KIAA1549: variants seen among roughly 807,000 people sequenced by gnomAD.
KIAA1549 encodes the protein KIAA1549.
In KIAA1549, 70 loss-of-function variants were observed where a neutral mutation model predicts 156.4. That is an observed-to-expected ratio of 0.45 (90% CI 0.37 to 0.55). The LOEUF (loss-of-function observed/expected upper bound fraction) is 0.55, where lower values mean the gene tolerates loss of function less well. Ranked by LOEUF, KIAA1549 falls within the 20% of genes least tolerant of loss-of-function variation. The pLI is 0.00. For missense variants in KIAA1549, 2,428 were observed against 2,540.9 expected, an observed-to-expected ratio of 0.96 and a Z score of 0.96; for synonymous variants, 1,103 against 1,066.4, an observed-to-expected ratio of 1.03 and a Z score of -0.67.
In KIAA1549 at chr7:138,844,345, G is replaced by A. The variant is rs1810008609; in HGVS notation, c.5424C>T (p.Ala1808=). The change falls in exon 18 of 20, where the codon GCC becomes GCT. Residue 1808 remains alanine, a synonymous_variant. Transcript: ENST00000422774. ...TGGTACCCCCGACAGGCCGAGGCCG[G>A]GCCACCGACGGCATCTCCTCCGAGT... The part of the protein sequence containing the change: ...GIYSEEMPSV[A]RPRPVGGTTG... 2 of 1,613,800 alleles carry A rather than the reference G, an allele frequency of 1.2e-6. No homozygotes were observed. Among genetic ancestry groups the A allele is most frequent in the Non-Finnish European group, 1.7e-6 (2 of 1,179,872 alleles).
chr7:138,907,474 G>C (rs79153032), intron 5 of KIAA1549, among the ~76,000 whole-genome samples: 2,127 of 152,282 alleles, frequency 0.014, 29 homozygotes, highest in East Asian at 0.084. Context: ...ATATAAACCA[G>C]AACAGAGAAA....
intron 11 of KIAA1549, 84 bp downstream of exon 11, chr7:138,881,304 A>T: frequency 2.2e-6 from 3 of 1,364,676 alleles, no homozygotes; most frequent in Non-Finnish European, 3.0e-6. Context: ...GCTCACCATC[A>T]GCCCCTGTGA....
chr7:138,964,574 C>T (rs1372780470), intron 1 of KIAA1549, among the ~76,000 whole-genome samples: 1 of 152,156 alleles, frequency 6.6e-6, no homozygotes, highest in Non-Finnish European at 1.5e-5. Flanking sequence ...CCCAGCTCAG[C>T]CCCTGAGACT....
intron 14 of KIAA1549, 84 bp downstream of exon 14, chr7:138,869,454 C>T (rs1198349454): frequency 3.5e-5 from 37 of 1,067,858 alleles, no homozygotes; most frequent in Non-Finnish European, 4.7e-5. Context: ...CCTGCAGTAG[C>T]AGAGGGGCTC....
intron 1 of KIAA1549, among the ~76,000 whole-genome samples, chr7:138,930,024 C>A (rs1487274900): frequency 6.6e-6 from 1 of 152,180 alleles, no homozygotes; most frequent in Non-Finnish European, 1.5e-5. Flanking sequence ...CAAAATTACT[C>A]TTGATCCATG....
At chr7:138,908,560 A>G (rs923470801) in intron 5 of KIAA1549, among the ~76,000 whole-genome samples, 1 of 152,250 alleles carries the variant, frequency 6.6e-6, no homozygotes, top group Non-Finnish European at 1.5e-5. Context: ...CATTTTGGAA[A>G]GAGAGAGGAA....
At chr7:138,904,362 G>A (rs1004412018) in intron 7 of KIAA1549, among the ~76,000 whole-genome samples, 1 of 152,144 alleles carries the variant, frequency 6.6e-6, no homozygotes, top group African/African-American at 2.4e-5. Context: ...AAAAGACCGC[G>A]GATGGCACCA....
At chr7:138,854,501 G>A (rs1003251898) in intron 16 of KIAA1549, among the ~76,000 whole-genome samples, 8 of 152,050 alleles carry the variant, frequency 5.3e-5, no homozygotes, top group Non-Finnish European at 8.8e-5. Flanking sequence ...AGGCTCATGC[G>A]GTAACTGAAG....
intron 1 of KIAA1549, among the ~76,000 whole-genome samples, chr7:138,955,453 G>A (rs1345863229): frequency 1.3e-5 from 2 of 152,168 alleles, no homozygotes; most frequent in South Asian, 4.1e-4. Flanking sequence ...GTAGAAGGGT[G>A]GATGCCAGGG....
At chr7:138,843,935 T>C (rs1324885296) in intron 18 of KIAA1549, among the ~76,000 whole-genome samples, 1 of 152,210 alleles carries the variant, frequency 6.6e-6, no homozygotes, top group Non-Finnish European at 1.5e-5. Flanking sequence ...AGAGTTTTGC[T>C]CTGTCACCCA....
intron 19 of KIAA1549, 54 bp downstream of exon 19, chr7:138,840,079 C>T (rs1270318769): frequency 7.4e-6 from 11 of 1,489,096 alleles, no homozygotes; most frequent in Admixed American, 2.1e-5. Flanking sequence ...TGTGAGCCAC[C>T]GCACCTGGCC....
chr7:138,844,479 A>G lies in KIAA1549; in HGVS notation c.5295-5T>C, dbSNP rs555458967. 25 of 1,524,222 alleles carry G rather than the reference A, an allele frequency of 1.6e-5. No homozygotes were observed. The highest frequency in any genetic ancestry group is 1.6e-4 in the South Asian group (12 of 75,264). 94.4% of individuals were successfully genotyped at this position (1,524,222 alleles called of 1,614,324 possible). ...AAACCGGGGCCAAAACCTGGTCTGA[A>G]GGCAAAGCAAACCAGCACATCAGGA... is the stretch of plus-strand genomic sequence containing the variant. On this transcript the variant is annotated splice_polypyrimidine_tract_variant and splice_region_variant and intron_variant, in intron 17 of 19. Transcript: ENST00000422774.
chr7:138,909,703 T>A (rs1812112885), intron 4 of KIAA1549, among the ~76,000 whole-genome samples: 1 of 152,154 alleles, frequency 6.6e-6, no homozygotes, highest in Non-Finnish European at 1.5e-5. Flanking sequence ...TTCCAGCACT[T>A]TGGGAGGCTG....
Position 138,918,662 on chromosome 7 carries a change from A to G in KIAA1549, c.964T>C (p.Tyr322His). 1 of 1,613,826 alleles carries G rather than the reference A, an allele frequency of 6.2e-7. No individual in the cohort carries two copies. The change falls in exon 2 of 20, where the codon TAC becomes CAC. Residue 322 changes from tyrosine (Y) to histidine (H), a missense_variant. By Grantham distance (83) the Tyr-to-His change is moderately conservative. Coordinates refer to ENST00000422774, the MANE Select transcript of KIAA1549 (RefSeq NM_001164665.2). This position sits in a 1 kb window ranked among gnomAD's most constrained non-coding sequence, Gnocchi z 4.2. ...CTCAACACAGTGGTCACATCAGTGT[A>G]TCTGTCTGCACTTGTGGCCCAAACC... ...EEVWATSADR[Y>H]TDVTTVLSQS...
At chr7:138,947,114 A>G (rs1159253407) in intron 1 of KIAA1549, among the ~76,000 whole-genome samples, 1 of 152,232 alleles carries the variant, frequency 6.6e-6, no homozygotes, top group Non-Finnish European at 1.5e-5. Context: ...GTCCATTAGT[A>G]TAGAACCACT....
chr7:138,891,625 G>A (rs987755156), intron 10 of KIAA1549, among the ~76,000 whole-genome samples: 2 of 152,126 alleles, frequency 1.3e-5, no homozygotes, highest in African/African-American at 4.8e-5. Flanking sequence ...TTTCCTTCTC[G>A]TTACGAGGGG....
intron 17 of KIAA1549, among the ~76,000 whole-genome samples, chr7:138,845,552 C>G (rs1356166348): frequency 6.6e-6 from 1 of 152,158 alleles, no homozygotes; most frequent in Admixed American, 6.5e-5. Flanking sequence ...ACGCTAAAAC[C>G]CATAGCTCCA....
At chr7:138,947,884 T>C (rs535129257) in intron 1 of KIAA1549, among the ~76,000 whole-genome samples, 1 of 152,108 alleles carries the variant, frequency 6.6e-6, no homozygotes, top group Non-Finnish European at 1.5e-5. Flanking sequence ...CACCTCAGCC[T>C]CCCAGGTAGC....
chr7:138,882,235 A>C (rs966042715), intron 10 of KIAA1549, among the ~76,000 whole-genome samples: 8 of 152,246 alleles, frequency 5.3e-5, no homozygotes, highest in Non-Finnish European at 1.0e-4. Flanking sequence ...CATGAGCCCC[A>C]AATCTTAGCA....
Sources: allele counts gnomAD v4.1 joint callset (sites outside exome capture counted in the v4.1 genomes callset), GRCh38; gene constraint gnomAD v4.1.1; non-coding constraint Gnocchi (gnomAD v3.1); transcripts MANE v1.5; gene names NCBI Gene and HGNC (gene_info 2026-07-23, HGNC 2026-07-21).